The following CSMD1 variants were observed in gnomAD, a reference collection of about 807,000 sequenced individuals.
CSMD1 encodes CUB and sushi domain-containing protein 1.
Under a neutral mutation model 417.5 loss-of-function variants are expected in CSMD1, and 213 were observed. That is an observed-to-expected ratio of 0.51 (90% CI 0.46 to 0.57). The LOEUF (loss-of-function observed/expected upper bound fraction) is 0.57, where lower values mean the gene tolerates loss of function less well. Ranked by LOEUF, CSMD1 falls within the 20% of genes least tolerant of loss-of-function variation. The pLI is 0.00. For missense variants in CSMD1, 6,923 were observed against 4,529.7 expected (o/e 1.53, Z -15.17); for synonymous variants, 2,862 against 1,736.8 (o/e 1.65, Z -16.11).
chr8:4,164,912 T>TAG (rs1797368711), intron 3 of CSMD1, among the ~76,000 whole-genome samples: 1 of 151,596 alleles, frequency 6.6e-6, no homozygotes, highest in African/African-American at 2.4e-5. Context: ...TGTATATATA[T>TAG]AGTTTGATAG....
rs368123188 is a variant in CSMD1, at chr8:4,791,606, G to A, written c.86-154048C>T. Among the ~76,000 whole-genome samples the A allele has an allele frequency of 1.4e-4, 21 of 152,304 alleles. No homozygotes were observed. In the South Asian group the frequency reaches 3.3e-3, roughly 24 times the overall value. ...GAAATCTGAAGCAGGACCTTAAGCAGCAATGTTACCAACGTAAGGGTTGAG... is the reference window on the plus strand; with the variant it reads ...GAAATCTGAAGCAGGACCTTAAGCAACAATGTTACCAACGTAAGGGTTGAG... On this transcript the variant is annotated intron_variant, in intron 1 of 69. Coordinates refer to ENST00000635120, the MANE Select transcript of CSMD1 (RefSeq NM_033225.6).
chr8:3,228,801 C>G (rs578212711), intron 27 of CSMD1, among the ~76,000 whole-genome samples: 1 of 152,008 alleles, frequency 6.6e-6, no homozygotes, highest in Non-Finnish European at 1.5e-5. Flanking sequence ...AAACCCTTTC[C>G]TACTGTAAAA....
At chr8:3,506,667 G>C (rs1014436480) in intron 10 of CSMD1, among the ~76,000 whole-genome samples, 4 of 152,048 alleles carry the variant, frequency 2.6e-5, no homozygotes, top group Non-Finnish European at 4.4e-5. Context: ...GTAAGTTTCT[G>C]GAATAAATAA....
intron 5 of CSMD1, among the ~76,000 whole-genome samples, chr8:3,849,933 G>C (rs1435810321): frequency 6.6e-6 from 1 of 151,870 alleles, no homozygotes; most frequent in African/African-American, 2.4e-5. Context: ...TCCAGCCTCA[G>C]CCTCCCAAGT....
intron 1 of CSMD1, among the ~76,000 whole-genome samples, chr8:4,921,631 A>T (rs1316703035): frequency 1.3e-5 from 2 of 152,214 alleles, no homozygotes; most frequent in Non-Finnish European, 2.9e-5. Context: ...TAATGGAAGG[A>T]TAACCAACAA....
chr8:3,108,708 T>G lies in CSMD1; in HGVS notation c.6649A>C (p.Ser2217Arg). ...DQNSPQLGVF[S>R]GNTALETAYS... ...GCCGTTTCGAGGGCTGTGTTGCCACTGAAAACTCCCAGCTGGGGTGAGTTC... is the reference window on the plus strand; with the variant it reads ...GCCGTTTCGAGGGCTGTGTTGCCACGGAAAACTCCCAGCTGGGGTGAGTTC... The change falls in exon 44 of 70, where the codon AGT becomes CGT. Residue 2217 changes from serine to arginine, a missense_variant. By Grantham distance (110) the Ser-to-Arg change is moderately radical. Coordinates refer to ENST00000635120, the MANE Select transcript of CSMD1 (RefSeq NM_033225.6). 1 of 1,613,580 alleles carries G rather than the reference T, an allele frequency of 6.2e-7. No individual in the cohort carries two copies. Among genetic ancestry groups the G allele is most frequent in the Non-Finnish European group, 8.5e-7 (1 of 1,179,732 alleles).
At chr8:4,579,115 T>G (rs1274185896) in intron 2 of CSMD1, among the ~76,000 whole-genome samples, 2 of 151,876 alleles carry the variant, frequency 1.3e-5, no homozygotes, top group Non-Finnish European at 1.5e-5. Flanking sequence ...CAATAAAACA[T>G]GCAGGAAGAG....
chr8:4,090,309 T>G (rs890916080), intron 3 of CSMD1, among the ~76,000 whole-genome samples: 1 of 152,202 alleles, frequency 6.6e-6, no homozygotes, highest in Non-Finnish European at 1.5e-5. Flanking sequence ...CTAGGTAATA[T>G]CGTTTATAAA....
intron 33 of CSMD1, among the ~76,000 whole-genome samples, chr8:3,190,352 G>C (rs978684014): frequency 6.6e-6 from 1 of 152,036 alleles, no homozygotes; most frequent in African/African-American, 2.4e-5. Context: ...TGAGGAGCAC[G>C]TTCCCAACTG....
intron 1 of CSMD1, 25 bp from the exon 2 acceptor site, chr8:4,637,583 A>C (rs1270612608): frequency 6.5e-7 from 1 of 1,542,812 alleles, no homozygotes; most frequent in Non-Finnish European, 8.9e-7. Context: ...ACACACAAAA[A>C]AGCATATTAT....
intron 3 of CSMD1, among the ~76,000 whole-genome samples, chr8:4,416,535 A>C (rs559888032): frequency 6.6e-6 from 1 of 152,246 alleles, no homozygotes; most frequent in Non-Finnish European, 1.5e-5. Context: ...GAGTTTTGAT[A>C]ATAGATGCAC....
chr8:3,582,079 G>A, intron 9 of CSMD1, among the ~76,000 whole-genome samples: 1 of 152,146 alleles, frequency 6.6e-6, no homozygotes, highest in Non-Finnish European at 1.5e-5. Flanking sequence ...ACAGGCGTGA[G>A]CCACCGCGCT....
At chr8:4,126,562 G>C (rs553154010) in intron 3 of CSMD1, among the ~76,000 whole-genome samples, 16 of 152,280 alleles carry the variant, frequency 1.1e-4, no homozygotes, top group African/African-American at 3.8e-4. Flanking sequence ...CACAATTGTG[G>C]GATGGAGACT....
intron 2 of CSMD1, among the ~76,000 whole-genome samples, chr8:4,515,301 T>A: frequency 6.6e-6 from 1 of 152,188 alleles, no homozygotes; most frequent in East Asian, 1.9e-4. Context: ...GCTCATGTAC[T>A]CAGAGAAATA....
At chr8:4,457,908 C>G (rs1293983380) in intron 2 of CSMD1, among the ~76,000 whole-genome samples, 1 of 152,146 alleles carries the variant, frequency 6.6e-6, no homozygotes, top group Non-Finnish European at 1.5e-5. Flanking sequence ...TCTCCATTTT[C>G]CCATACACCA....
chr8:3,515,787 G>C (rs545188743), intron 10 of CSMD1, among the ~76,000 whole-genome samples: 109 of 152,306 alleles, frequency 7.2e-4, no homozygotes, highest in Non-Finnish European at 1.3e-3. Flanking sequence ...TGAACATGTA[G>C]GAAGTGTCAG....
In CSMD1 at chr8:3,028,023, C is replaced by T. The variant is rs545806903; in HGVS notation, c.7855+1296G>A. ...GCAAATACCATTTGGCACGGCCCTG[C>T]TCTGGGAAGACAGGGACACCGTAGG... On this transcript the variant is annotated intron_variant, in intron 51 of 69. Coordinates refer to ENST00000635120, the MANE Select transcript of CSMD1 (RefSeq NM_033225.6). Among the ~76,000 whole-genome samples, 6 of 152,292 alleles carry T rather than the reference C, an allele frequency of 3.9e-5. No homozygotes were observed. In the East Asian group the frequency reaches 1.2e-3, roughly 29 times the overall value.
intron 46 of CSMD1, among the ~76,000 whole-genome samples, chr8:3,105,711 T>C (rs941358277): frequency 6.6e-6 from 1 of 152,214 alleles, no homozygotes; most frequent in African/African-American, 2.4e-5. Context: ...CATCAAAATA[T>C]TAAACACCAG....
At chr8:4,019,214 G>A (rs1270493862) in intron 4 of CSMD1, among the ~76,000 whole-genome samples, 1 of 152,184 alleles carries the variant, frequency 6.6e-6, no homozygotes, top group Non-Finnish European at 1.5e-5. Context: ...ATAAACCTGA[G>A]AGAGGCTCCT....
Sources: gnomAD v4.1 joint callset for allele counts (sites outside exome capture counted in the v4.1 genomes callset) on GRCh38, gnomAD v4.1.1 for gene constraint, MANE v1.5 for transcripts, NCBI Gene and HGNC (gene_info 2026-07-23, HGNC 2026-07-21) for gene names.